The following CTDSP1 variants were observed in gnomAD, a reference collection of about 807,000 sequenced individuals.
CTDSP1 encodes the protein carboxy-terminal domain RNA polymerase II polypeptide A small phosphatase 1.
CTDSP1 carries 15 observed loss-of-function variants against 32.5 expected under a neutral mutation model. That is an observed-to-expected ratio of 0.46 (90% CI 0.31 to 0.71). The LOEUF is 0.71. CTDSP1 is among the 30% of genes least tolerant of loss of function. CTDSP1 has a pLI of 0.05. For missense variants in CTDSP1, 294 were observed against 351.1 expected, an observed-to-expected ratio of 0.84 and a Z score of 1.30; for synonymous variants, 185 against 145.4, an observed-to-expected ratio of 1.27 and a Z score of -1.96.
rs190100918 is a variant in CTDSP1 at position 218,400,326 on chromosome 2, C to A, written c.67+169C>A. On this transcript the variant is annotated intron_variant, in intron 1 of 6. Coordinates refer to ENST00000273062, the MANE Select transcript of CTDSP1 (RefSeq NM_021198.3). ...GGAGAGAGTTTGAACTCAGAGGAGG[C>A]TCAGAGACGCGGGGCGGGGCCTGGC... 11 of 739,218 alleles carry A rather than the reference C, an allele frequency of 1.5e-5. 1 individual carries two copies. The Admixed American group carries it at 1.9e-4, about 13-fold the overall frequency. The allele number at this position is 739,218 out of a possible 1,614,324, so 45.8% of individuals were successfully genotyped here. A position where few individuals can be genotyped will look rare whatever the true frequency, so the allele number is the denominator to read the frequency against.
upstream of CTDSP1, among the ~76,000 whole-genome samples, chr2:218,398,033 G>A (rs1436719872): frequency 6.6e-6 from 1 of 152,186 alleles, no homozygotes; most frequent in African/African-American, 2.4e-5. Context: ...AGCCGGCCAG[G>A]TACCAGCCCC....
chr2:218,397,806 G>A (rs1210913493), upstream of CTDSP1, among the ~76,000 whole-genome samples: 1 of 152,104 alleles, frequency 6.6e-6, no homozygotes, highest in African/African-American at 2.4e-5. Flanking sequence ...CTAACTACCC[G>A]CCCCAGGCGT....
Position 218,399,980 on chromosome 2 carries a change from T to TTGC in CTDSP1, c.-111_-110insTGC. 7.4e-6 allele frequency: 7 copies of TTGC among 946,458 alleles called. No individual in the cohort carries two copies. Among genetic ancestry groups the TTGC allele is most frequent in the Non-Finnish European group, 9.1e-6 (7 of 770,520 alleles). The allele number at this position is 946,458 out of a possible 1,614,324, so 58.6% of individuals were successfully genotyped here. A position where few individuals can be genotyped will look rare whatever the true frequency, so the allele number is the denominator to read the frequency against. On this transcript the variant is annotated 5_prime_UTR_variant, in exon 1 of 7. Transcript: ENST00000273062. ...CCCTCCCCTCCGGAGCTCGCGGGGA[T>TTGC]CCCTCCCTCCCACCCCTCCCCTCCC... is the stretch of plus-strand genomic sequence containing the variant.
At chr2:218,398,028 G>A (rs955838189), upstream of CTDSP1, among the ~76,000 whole-genome samples, 2 of 152,176 alleles carry the variant, frequency 1.3e-5, no homozygotes, top group Admixed American at 6.5e-5. Context: ...GGGACAGCCG[G>A]CCAGGTACCA....
intron 6 of CTDSP1, among the ~76,000 whole-genome samples, chr2:218,404,075 T>C (rs1404613151): frequency 8.6e-5 from 13 of 151,466 alleles, no homozygotes; most frequent in Admixed American, 2.0e-4. Context: ...AAAAAAAAAG[T>C]ATCCGAGTGC....
upstream of CTDSP1, chr2:218,396,504 T>C (rs560673811): frequency 1.3e-5 from 2 of 152,580 alleles, no homozygotes; most frequent in African/African-American, 2.4e-5. Context: ...GCGGCCTGGC[T>C]CCGCGCTCAG....
intron 1 of CTDSP1, chr2:218,401,205 G>C (rs1697118064): frequency 1.1e-5 from 4 of 378,614 alleles, no homozygotes; most frequent in Non-Finnish European, 2.1e-5. Flanking sequence ...GTCCTGAGCA[G>C]GGGTGCTCAG....
chr2:218,401,926 A>G (rs1483420789), intron 2 of CTDSP1, among the ~76,000 whole-genome samples, 185 bp from the exon 3 acceptor site: 2 of 152,146 alleles, frequency 1.3e-5, no homozygotes, highest in African/African-American at 4.8e-5. Flanking sequence ...TGGTTTTTAG[A>G]GAGGTCTCAA....
intron 1 of CTDSP1, 161 bp downstream of exon 1, chr2:218,400,318 AGAG>A (rs1697050951): frequency 2.6e-6 from 2 of 759,200 alleles, no homozygotes; most frequent in Non-Finnish European, 4.5e-6. Context: ...GTTTGAACTC[AGAG>A]GAGGCTCAGA....
Position 218,405,232 on chromosome 2 carries a change from T to C in CTDSP1, c.*807T>C, listed in dbSNP as rs1697349281. The stretch of plus-strand genomic sequence containing the variant: ...GGAAGGAGAGAGGGAAGGGTCAGGG[T>C]AGAGACACCCCTCCCTTGCCCCTTT... On this transcript the variant is annotated 3_prime_UTR_variant, in exon 7 of 7. Coordinates refer to ENST00000273062, the MANE Select transcript of CTDSP1 (RefSeq NM_021198.3). 1 of 152,508 alleles carries C rather than the reference T, an allele frequency of 6.6e-6. No homozygotes were observed. The highest frequency in any genetic ancestry group is 1.5e-5 in the Non-Finnish European group (1 of 67,976). The allele number at this position is 152,508 out of a possible 1,614,324, so 9.4% of individuals were successfully genotyped here. A position where few individuals can be genotyped will look rare whatever the true frequency, so the allele number is the denominator to read the frequency against.
At chr2:218,397,707 G>A (rs924149756), upstream of CTDSP1, among the ~76,000 whole-genome samples, 5 of 152,162 alleles carry the variant, frequency 3.3e-5, no homozygotes, top group African/African-American at 1.2e-4. Flanking sequence ...AGAGACAGAG[G>A]GCAGCTGGGT....
chr2:218,400,576 G>A lies in CTDSP1; in HGVS notation c.67+419G>A. 3 of 375,476 alleles carry A rather than the reference G, an allele frequency of 8.0e-6. No homozygotes were observed. The East Asian group carries it at 2.1e-4, about 26-fold the overall frequency. 23.3% of individuals were successfully genotyped at this position (375,476 alleles called of 1,614,324 possible). ...CACCCCCCCGGGCTGCGGTCCGGTAGGGTCTTGGGAGGGGGCGCCGAGGTG... is the reference window on the plus strand; with the variant it reads ...CACCCCCCCGGGCTGCGGTCCGGTAAGGTCTTGGGAGGGGGCGCCGAGGTG... On this transcript the variant is annotated intron_variant, in intron 1 of 6. Transcript: ENST00000273062.
rs748671313 is a variant in CTDSP1 at position 218,402,396 on chromosome 2, G to A, written c.369G>A (p.Val123=). The change falls in exon 4 of 7, where the codon GTG becomes GTA. Residue 123 remains valine, a synonymous_variant. Coordinates refer to ENST00000273062, the MANE Select transcript of CTDSP1 (RefSeq NM_021198.3). ...DFIIPVEIDG[V]VHQVYVLKRP... is the part of the protein sequence containing the mutation. Reference sequence around the variant, plus strand: ...TCATCCCTGTGGAGATTGATGGGGTGGTCCACCAGGTGAGGGCCAGGAAGA... The same window carrying A: ...TCATCCCTGTGGAGATTGATGGGGTAGTCCACCAGGTGAGGGCCAGGAAGA... 6.2e-7 allele frequency: 1 copy of A among 1,608,836 alleles called. No individual in the cohort carries two copies. Among genetic ancestry groups the A allele is most frequent in the Non-Finnish European group, 8.5e-7 (1 of 1,177,226 alleles).
chr2:218,402,927 A>G, intron 4 of CTDSP1, 108 bp from the exon 5 acceptor site: 1 of 794,418 alleles, frequency 1.3e-6, no homozygotes, highest in Admixed American at 2.0e-5. Flanking sequence ...CTGCGGGCCC[A>G]GTCTCCTTCC....
upstream of CTDSP1, chr2:218,398,465 A>G: frequency 1.3e-6 from 2 of 1,530,660 alleles, no homozygotes; most frequent in Non-Finnish European, 1.7e-6. Context: ...CGAGGGATCC[A>G]GCCCGGGGAC....
chr2:218,398,410 G>C (rs1465243802), upstream of CTDSP1: 1 of 1,535,302 alleles, frequency 6.5e-7, no homozygotes. Flanking sequence ...GTGATGAAGC[G>C]CAATGGTGGC....
chr2:218,396,775 G>GC (rs999654108), upstream of CTDSP1: 1 of 152,612 alleles, frequency 6.6e-6, no homozygotes, highest in Non-Finnish European at 1.5e-5. Context: ...TCCTGGAAGT[G>GC]CCCCCGTTGT....
At position 218,400,104 on chromosome 2, in the gene CTDSP1, C is replaced by T. The variant is rs1697034346; in HGVS notation, c.14C>T (p.Ala5Val). The T allele has an allele frequency of 2.0e-6, 3 of 1,537,180 alleles. No homozygotes were observed. The highest frequency in any genetic ancestry group is 2.6e-6 in the Non-Finnish European group (3 of 1,141,850). Residue 5 changes from alanine to valine, a missense_variant, in exon 1 of 7, where the codon GCC becomes GTC. Around this residue, in one of 2 missense-constraint regions of CTDSP1, gnomAD observed 148 missense variants for 113.3 expected, o/e 1.31. Transcript: ENST00000273062. The stretch of plus-strand genomic sequence containing the variant: ...GCGCCCGGCCCCATGGACAGCTCGG[C>T]CGTCATTACTCAGATCAGCAAGGAG... MDSS[A>V]VITQISKEEA...
At chr2:218,400,293 G>T in intron 1 of CTDSP1, 136 bp downstream of exon 1, 1 of 804,064 alleles carries the variant, frequency 1.2e-6, no homozygotes, top group Non-Finnish European at 2.0e-6. Flanking sequence ...CAGCCCGAGA[G>T]GGAGCAGGGA....
Sources: allele counts gnomAD v4.1 joint callset (sites outside exome capture counted in the v4.1 genomes callset), GRCh38; gene constraint gnomAD v4.1.1; regional missense constraint gnomAD v4.1.1; transcripts MANE v1.5; gene names NCBI Gene and HGNC (gene_info 2026-07-23, HGNC 2026-07-21).